Variants in CLCN1 observed in about 807,000 individuals in gnomAD.
CLCN1 encodes the protein chloride channel protein 1.
CLCN1 carries 100 observed loss-of-function variants against 114.5 expected under a neutral mutation model. The ratio of observed to expected loss-of-function variants is 0.87; its 90% CI spans 0.74 to 1.03. The LOEUF (loss-of-function observed/expected upper bound fraction) is 1.03. Ranked by LOEUF, CLCN1 falls within the 50% of genes least tolerant of loss-of-function variation. The pLI, the probability that CLCN1 is intolerant of heterozygous loss-of-function variation, is 0.00. For missense variants in CLCN1, 1,188 were observed against 1,250.0 expected (o/e 0.95, Z 0.75); for synonymous variants, 485 against 487.1 (o/e 1.00, Z 0.06).
At chr7:143,320,583 C>CTCTCTCTG in intron 2 of CLCN1, 81 bp from the exon 3 acceptor site, 1 of 1,132,330 alleles carries the variant, frequency 8.8e-7, no homozygotes, top group South Asian at 1.3e-5. Flanking sequence ...CTCTCTCTCT[C>CTCTCTCTG]TCTGTCTCTA....
Position 143,316,377 on chromosome 7 carries a change from C to G in CLCN1, c.165C>G (p.Asn55Lys). 2 of 1,613,112 alleles carry G rather than the reference C, an allele frequency of 1.2e-6. No homozygotes were observed. The highest frequency in any genetic ancestry group is 1.7e-6 in the Non-Finnish European group (2 of 1,179,998). ...RLRKDAGPRH[N>K]VHPTQIYGHH... The stretch of plus-strand genomic sequence containing the variant: ...GGAAGGATGCAGGCCCCCGCCACAA[C>G]GTCCACCCCACACAGGTAAAGTGCT... The change falls in exon 1 of 23, where the codon AAC (asparagine) becomes AAG (lysine). Residue 55 changes from asparagine (N) to lysine (K), a missense_variant. Physicochemically the swap from Asn to Lys is moderately conservative, Grantham distance 94. Coordinates refer to ENST00000343257, the MANE Select transcript of CLCN1 (RefSeq NM_000083.3).
chr7:143,330,702 A>G, intron 7 of CLCN1, 70 bp from the exon 8 acceptor site: 1 of 1,607,322 alleles, frequency 6.2e-7, no homozygotes, highest in East Asian at 2.2e-5. Flanking sequence ...CCTTAGGTCC[A>G]AGCAGTGGGG....
intron 14 of CLCN1, among the ~76,000 whole-genome samples, chr7:143,341,596 T>TAA (rs1468042161): frequency 9.5e-5 from 8 of 84,102 alleles, no homozygotes; most frequent in South Asian, 7.4e-4. Flanking sequence ...ATAATAATAA[T>TAA]TTTAAAAAAT....
At position 143,331,662 on chromosome 7, in the gene CLCN1, T is replaced by A. The variant is rs1802728437; in HGVS notation, c.1166+10T>A. The A allele has an allele frequency of 6.3e-7, 1 of 1,584,958 alleles. No individual in the cohort carries two copies. The highest frequency in any genetic ancestry group is 1.7e-5 in the Admixed American group (1 of 59,954). ...AGTTTCTTGCTAAGCAGTGAGTCAC[T>A]GCCCTTCTTTTGCCCTACCCATTTA... On this transcript the variant is annotated intron_variant, in intron 10 of 22. Transcript: ENST00000343257.
intron 18 of CLCN1, 102 bp downstream of exon 18, chr7:143,346,353 TG>T (rs1314526548): frequency 2.8e-6 from 2 of 703,656 alleles, no homozygotes; most frequent in Non-Finnish European, 4.9e-6. Flanking sequence ...CGGGGTGGGG[TG>T]GGGGGTGAGG....
chr7:143,340,315 C>A (rs1803043706), intron 14 of CLCN1, among the ~76,000 whole-genome samples: 1 of 152,204 alleles, frequency 6.6e-6, no homozygotes. Context: ...CAATGAGGGT[C>A]ATAGACTCTT....
chr7:143,337,383 A>G (rs536639634), intron 12 of CLCN1, among the ~76,000 whole-genome samples: 1 of 152,058 alleles, frequency 6.6e-6, no homozygotes. Flanking sequence ...TATAGTTCTC[A>G]ACTGTTTTTG....
chr7:143,349,910 G>C (rs75070564), intron 20 of CLCN1, among the ~76,000 whole-genome samples: 17,310 of 152,186 alleles, frequency 0.11, 1,146 homozygotes, highest in South Asian at 0.16. Context: ...GGAGAGTCAG[G>C]AAATACGTAC....
At chr7:143,335,517 T>C (rs1454676548) in intron 12 of CLCN1, among the ~76,000 whole-genome samples, 1 of 152,220 alleles carries the variant, frequency 6.6e-6, no homozygotes, top group African/African-American at 2.4e-5. Flanking sequence ...CATACTCTTA[T>C]TTTTTAGCTA....
chr7:143,331,666 C>T lies in CLCN1; in HGVS notation c.1166+14C>T. 6.5e-7 allele frequency: 1 copy of T among 1,549,746 alleles called. No homozygotes were observed. The highest frequency in any genetic ancestry group is 8.9e-7 in the Non-Finnish European group (1 of 1,121,368). On this transcript the variant is annotated intron_variant, in intron 10 of 22. Coordinates refer to ENST00000343257, the MANE Select transcript of CLCN1 (RefSeq NM_000083.3). ...TCTTGCTAAGCAGTGAGTCACTGCC[C>T]TTCTTTTGCCCTACCCATTTACTTT...
At position 143,324,399 on chromosome 7, in the gene CLCN1, T is replaced by G; in HGVS notation, c.775-15T>G. On this transcript the variant is annotated splice_polypyrimidine_tract_variant and intron_variant, in intron 6 of 22. Coordinates refer to ENST00000343257, the MANE Select transcript of CLCN1 (RefSeq NM_000083.3). The surrounding 1 kb of genome is among the most constrained non-coding windows in gnomAD (Gnocchi z 4.6). ...TCTCTTCCACCTGTTTCTCTGTCTG[T>G]CTCTCCCCTAGTAGCAGCCATACTA... 1.2e-6 allele frequency: 2 copies of G among 1,604,752 alleles called. No individual in the cohort carries two copies. Among genetic ancestry groups the G allele is most frequent in the Non-Finnish European group, 1.7e-6 (2 of 1,171,722 alleles).
At position 143,321,463 on chromosome 7, in the gene CLCN1, T is replaced by C. The variant is rs1306254920; in HGVS notation, c.532T>C (p.Phe178Leu). Residue 178 changes from phenylalanine to leucine, a missense_variant, in exon 4 of 23, where the codon TTC (phenylalanine) becomes CTC (leucine). Coordinates refer to ENST00000343257, the MANE Select transcript of CLCN1 (RefSeq NM_000083.3). This position sits in a 1 kb window ranked among gnomAD's most constrained non-coding sequence, Gnocchi z 4.2. ...PLVLILFSAL[F>L]CHLISPQAVG... The stretch of plus-strand genomic sequence containing the variant: ...AGTCCTCATCCTCTTCAGCGCCCTC[T>C]TCTGCCACCTCATCTCTCCCCAGGC... The C allele has an allele frequency of 1.9e-6, 3 of 1,614,014 alleles. No homozygotes were observed. Among genetic ancestry groups the C allele is most frequent in the African/African-American group, 2.7e-5 (2 of 74,912 alleles).
At chr7:143,331,363 G>A in intron 9 of CLCN1, 47 bp downstream of exon 9, 1 of 1,411,320 alleles carries the variant, frequency 7.1e-7, no homozygotes, top group Non-Finnish European at 1.0e-6. Flanking sequence ...GGTGTGGAGT[G>A]AGGCTGTAGA....
chr7:143,341,394 AC>A (rs1436208403), intron 14 of CLCN1, among the ~76,000 whole-genome samples: 1 of 151,982 alleles, frequency 6.6e-6, no homozygotes, highest in East Asian at 1.9e-4. Context: ...CCCTGTTTCT[AC>A]TAAAAATACA....
At chr7:143,320,512 G>A (rs1342586724) in intron 2 of CLCN1, 152 bp from the exon 3 acceptor site, 5 of 746,334 alleles carry the variant, frequency 6.7e-6, no homozygotes, top group African/African-American at 3.7e-5. Context: ...TCCCATCTTG[G>A]GTATAGCACC....
intron 14 of CLCN1, among the ~76,000 whole-genome samples, chr7:143,340,682 G>A (rs1433073021): frequency 6.6e-6 from 1 of 152,106 alleles, no homozygotes; most frequent in Non-Finnish European, 1.5e-5. Context: ...ACAGGCACAT[G>A]CCATCATGTC....
Position 143,321,290 on chromosome 7 carries a change from C to T in CLCN1, c.434-75C>T, listed in dbSNP as rs766655171. The T allele has an allele frequency of 9.6e-6, 15 of 1,570,046 alleles. No homozygotes were observed. Among genetic ancestry groups the T allele is most frequent in the Admixed American group, 1.8e-5 (1 of 56,900 alleles). On this transcript the variant is annotated intron_variant, in intron 3 of 22. Transcript: ENST00000343257. This position sits in a 1 kb window ranked among gnomAD's most constrained non-coding sequence, Gnocchi z 4.2. ...GAAGGAGCACGGCCTGAGAACATGC[C>T]GGGTACACGTCCTGGTGCCGTGGAC... is the stretch of plus-strand genomic sequence containing the variant.
intron 1 of CLCN1, among the ~76,000 whole-genome samples, chr7:143,318,299 C>G (rs1220342846): frequency 6.6e-6 from 1 of 152,074 alleles, no homozygotes; most frequent in Non-Finnish European, 1.5e-5. Flanking sequence ...CTCAGCTCAC[C>G]GCAATCTCCG....
intron 16 of CLCN1, 135 bp from the exon 17 acceptor site, chr7:143,345,386 G>C (rs1287464173): frequency 3.4e-6 from 4 of 1,177,992 alleles, no homozygotes; most frequent in South Asian, 1.7e-5. Context: ...CTTAAAATGA[G>C]TTTCCAGGAA....
Sources: gnomAD v4.1 joint callset for allele counts (sites outside exome capture counted in the v4.1 genomes callset) on GRCh38, gnomAD v4.1.1 for gene constraint, Gnocchi (gnomAD v3.1) non-coding constraint, MANE v1.5 for transcripts, NCBI Gene and HGNC (gene_info 2026-07-23, HGNC 2026-07-21) for gene names.